SLC22A8: variants seen among roughly 807,000 people sequenced by gnomAD.
SLC22A8 encodes the protein organic anion transporter 3.
Under a neutral mutation model 48.4 loss-of-function variants are expected in SLC22A8, and 40 were observed. That is an observed-to-expected ratio of 0.83 (90% CI 0.64 to 1.08). The LOEUF (loss-of-function observed/expected upper bound fraction) is 1.08, where lower values mean the gene tolerates loss of function less well. Ranked by LOEUF, SLC22A8 falls within the 50% of genes least tolerant of loss-of-function variation. The pLI is 0.00. For missense variants in SLC22A8, 606 were observed against 699.0 expected, an observed-to-expected ratio of 0.87 and a Z score of 1.50; for synonymous variants, 268 against 286.3, an observed-to-expected ratio of 0.94 and a Z score of 0.65.
chr11:62,999,035 T>TA lies in SLC22A8; in HGVS notation c.646dup (p.Tyr216LeufsTer101). On this transcript the variant is annotated frameshift_variant, in exon 5 of 11. Coordinates refer to ENST00000336232, the MANE Select transcript of SLC22A8 (RefSeq NM_004254.4). LOFTEE classifies it high-confidence loss of function. ...AATGAACTGGCCAAAGGTGTAGCAG[T>TA]ACCCGAGTGCTGTCGACATGATGGC... 6.2e-7 allele frequency: 1 copy of TA among 1,614,178 alleles called. No homozygotes were observed. Among genetic ancestry groups the TA allele is most frequent in the Non-Finnish European group, 8.5e-7 (1 of 1,179,976 alleles).
chr11:63,000,688 A>T (rs1162486177), intron 3 of SLC22A8, 32 bp downstream of exon 3: 1 of 1,467,800 alleles, frequency 6.8e-7, no homozygotes, highest in Non-Finnish European at 9.6e-7. Context: ...CCCATGGGTC[A>T]TGCTTCCATG....
intron 6 of SLC22A8, 86 bp downstream of exon 6, chr11:62,995,943 G>T (rs753937872): frequency 6.3e-7 from 1 of 1,589,192 alleles, no homozygotes; most frequent in South Asian, 1.1e-5. Context: ...TAGGCTGTGA[G>T]CCAGGGGAAC....
At chr11:63,001,060 T>A (rs1050058132) in intron 2 of SLC22A8, 25 of 484,934 alleles carry the variant, frequency 5.2e-5, no homozygotes, top group African/African-American at 3.9e-4. Context: ...GCTCTCAAAG[T>A]CCACTCAGCT....
At chr11:63,009,443 A>G (rs1047149197) in intron 2 of SLC22A8, among the ~76,000 whole-genome samples, 1 of 152,104 alleles carries the variant, frequency 6.6e-6, no homozygotes, top group Non-Finnish European at 1.5e-5. Flanking sequence ...CCAGAGACGA[A>G]GCCCAGGGCC....
chr11:63,013,821 G>A (rs1221269427), intron 2 of SLC22A8, among the ~76,000 whole-genome samples: 1 of 152,130 alleles, frequency 6.6e-6, no homozygotes, highest in Non-Finnish European at 1.5e-5. Flanking sequence ...AGTTAGTGAC[G>A]CCCAATACAT....
intron 2 of SLC22A8, among the ~76,000 whole-genome samples, chr11:63,009,390 G>A (rs946305516): frequency 5.3e-5 from 8 of 152,056 alleles, no homozygotes; most frequent in East Asian, 1.9e-4. Flanking sequence ...GGTGGGGGAC[G>A]GGCTTCTTGC....
Position 63,014,828 on chromosome 11 carries a change from G to A in SLC22A8, c.131C>T (p.Thr44Ile). The A allele has an allele frequency of 6.2e-7, 1 of 1,612,494 alleles. No homozygotes were observed. Among genetic ancestry groups the A allele is most frequent in the East Asian group, 2.2e-5 (1 of 44,848 alleles). Residue 44 changes from threonine (T) to isoleucine (I), a missense_variant, in exon 2 of 11, where the codon ACC becomes ATC. Coordinates refer to ENST00000336232, the MANE Select transcript of SLC22A8 (RefSeq NM_004254.4). The part of the protein sequence containing the change: ...HNLLQIFTAA[T>I]PVHHCRPPHN... ...GGGCGGGCGACAGTGGTGGACAGGG[G>A]TGGCGGCTGTGAAGATCTGCAGCAG...
intron 2 of SLC22A8, among the ~76,000 whole-genome samples, chr11:63,001,597 G>A (rs566013904): frequency 3.3e-5 from 5 of 152,250 alleles, no homozygotes; most frequent in African/African-American, 7.2e-5. Context: ...TGCACTCCTC[G>A]TCTCCTTCAC....
intron 5 of SLC22A8, 41 bp downstream of exon 5, chr11:62,998,880 G>C (rs746170118): frequency 3.2e-6 from 5 of 1,559,406 alleles, no homozygotes; most frequent in African/African-American, 1.3e-5. Context: ...TTTGGCCCTG[G>C]GGCACCTAAG....
At position 62,995,812 on chromosome 11, in the gene SLC22A8, T is replaced by C. The variant is rs2086410738; in HGVS notation, c.893A>G (p.Lys298Arg). ...EGERLSLEELKLNLQKEISLA... is the reference protein window; with the variant it reads ...EGERLSLEELRLNLQKEISLA... ...GGAGATCTCCTTCTGCAGGTTGAGTTTGAGCTCCTTCGGGCAGAGGAGGGG... is the reference window on the plus strand; with the variant it reads ...GGAGATCTCCTTCTGCAGGTTGAGTCTGAGCTCCTTCGGGCAGAGGAGGGG... The change falls in exon 7 of 11, where the codon AAA (lysine) becomes AGA (arginine). Residue 298 changes from lysine (K) to arginine (R), a missense_variant. Lys to Arg is a conservative substitution (Grantham distance 26). Coordinates refer to ENST00000336232, the MANE Select transcript of SLC22A8 (RefSeq NM_004254.4). 1.9e-6 allele frequency: 3 copies of C among 1,613,508 alleles called. No homozygotes were observed. The highest frequency in any genetic ancestry group is 4.5e-5 in the East Asian group (2 of 44,878).
intron 2 of SLC22A8, chr11:63,001,069 C>T (rs2086488710): frequency 2.1e-6 from 1 of 475,234 alleles, no homozygotes; most frequent in Non-Finnish European, 3.9e-6. Context: ...GTCCACTCAG[C>T]TACCACATCC....
intron 7 of SLC22A8, chr11:62,995,047 C>A (rs1431630538): frequency 2.1e-6 from 1 of 471,028 alleles, no homozygotes; most frequent in Non-Finnish European, 3.9e-6. Flanking sequence ...TCTCGGAGAC[C>A]AAAGGAGGCA....
intron 2 of SLC22A8, among the ~76,000 whole-genome samples, chr11:63,009,157 T>G (rs572048011): frequency 6.6e-6 from 1 of 151,056 alleles, no homozygotes; most frequent in African/African-American, 2.4e-5. Flanking sequence ...GGGCTGAGGG[T>G]GGGCAAATGG....
At chr11:63,001,211 C>T (rs756348442) in intron 2 of SLC22A8, among the ~76,000 whole-genome samples, 5 of 152,180 alleles carry the variant, frequency 3.3e-5, no homozygotes, top group Admixed American at 1.3e-4. Context: ...TCTACAGGGA[C>T]GTTCCTCTAT....
chr11:62,993,077 G>A lies in SLC22A8; in HGVS notation c.*160C>T. 3.2e-6 allele frequency: 2 copies of A among 615,648 alleles called. No individual in the cohort carries two copies. Among genetic ancestry groups the A allele is most frequent in the South Asian group, 4.0e-5 (2 of 50,160 alleles). The allele number at this position is 615,648 out of a possible 1,614,324, so 38.1% of individuals were successfully genotyped here. On this transcript the variant is annotated 3_prime_UTR_variant, in exon 11 of 11. Coordinates refer to ENST00000336232, the MANE Select transcript of SLC22A8 (RefSeq NM_004254.4). ...TGGCTGAACCTTTGAACTGGCCAGGGCTGGGCAGGAGGCTCTGGTGGTGGT... is the reference window on the plus strand; with the variant it reads ...TGGCTGAACCTTTGAACTGGCCAGGACTGGGCAGGAGGCTCTGGTGGTGGT...
chr11:62,995,937 C>G (rs1369171236), intron 6 of SLC22A8, 92 bp downstream of exon 6: 1 of 1,578,986 alleles, frequency 6.3e-7, no homozygotes, highest in Non-Finnish European at 8.7e-7. Flanking sequence ...GTGGTATAGG[C>G]TGTGAGCCAG....
At chr11:63,015,456 G>A (rs1286389295) in intron 1 of SLC22A8, among the ~76,000 whole-genome samples, 3 of 152,210 alleles carry the variant, frequency 2.0e-5, no homozygotes, top group Non-Finnish European at 4.4e-5. Context: ...ACAGATTAGA[G>A]GGTGGGTGGT....
chr11:63,011,772 C>T (rs1055807371), intron 2 of SLC22A8, among the ~76,000 whole-genome samples: 4 of 152,162 alleles, frequency 2.6e-5, no homozygotes, highest in Admixed American at 6.5e-5. Flanking sequence ...GACGAGCCTT[C>T]GAAGGTGACC....
intron 2 of SLC22A8, among the ~76,000 whole-genome samples, chr11:63,012,305 T>C (rs2086628300): frequency 6.6e-6 from 1 of 152,100 alleles, no homozygotes; most frequent in African/African-American, 2.4e-5. Context: ...TTCTTGCTTC[T>C]GTGCCTTTGC....
Sources: allele counts gnomAD v4.1 joint callset (sites outside exome capture counted in the v4.1 genomes callset), GRCh38; gene constraint gnomAD v4.1.1; transcripts MANE v1.5; gene names NCBI Gene and HGNC (gene_info 2026-07-23, HGNC 2026-07-21).